ERI3: variants seen among roughly 807,000 people sequenced by gnomAD.
The protein encoded by ERI3 is ERI1 exoribonuclease family member 3.
ERI3 carries 18 observed loss-of-function variants against 44.4 expected under a neutral mutation model. That is an observed-to-expected ratio of 0.41 (90% confidence interval 0.28 to 0.60). The LOEUF (loss-of-function observed/expected upper bound fraction) is 0.60, where lower values mean the gene tolerates loss of function less well. Among genes scored for constraint, ERI3 ranks in the 20% least tolerant of loss-of-function variants. The pLI, the probability that ERI3 is intolerant of heterozygous loss-of-function variation, is 0.36. For missense variants in ERI3, 294 were observed against 435.5 expected, an observed-to-expected ratio of 0.68 and a Z score of 2.89; for synonymous variants, 183 against 164.8, an observed-to-expected ratio of 1.11 and a Z score of -0.84.
At chr1:44,355,272 T>C, upstream of ERI3, 1 of 1,138,856 alleles carries the variant, frequency 8.8e-7, no homozygotes, top group Non-Finnish European at 1.1e-6. Context: ...CCGCGCACTC[T>C]GACCCCGACC....
intron 6 of ERI3, among the ~76,000 whole-genome samples, chr1:44,304,093 G>C (rs1312746538): frequency 6.6e-6 from 1 of 152,100 alleles, no homozygotes; most frequent in Middle Eastern, 3.2e-3. Context: ...TGGAGGACAG[G>C]GTGTGAGGAG....
Position 44,221,719 on chromosome 1 carries a change from G to T in ERI3, c.932-79C>A. 2.5e-6 allele frequency: 3 copies of T among 1,181,152 alleles called. No homozygotes were observed. Among genetic ancestry groups the T allele is most frequent in the Non-Finnish European group, 2.5e-6 (2 of 793,376 alleles). 73.2% of individuals were successfully genotyped at this position (1,181,152 alleles called of 1,614,324 possible). ...CACAGGTGCTCTTACAAGGGTGGGG[G>T]TGGGAAGCAGGGTCAGATTCAGGAG... On this transcript the variant is annotated intron_variant, in intron 8 of 8. Coordinates refer to ENST00000372257, the MANE Select transcript of ERI3 (RefSeq NM_024066.3). This position sits in a 1 kb window ranked among gnomAD's most constrained non-coding sequence, Gnocchi z 5.9.
At chr1:44,273,540 G>A (rs1033306670) in intron 7 of ERI3, among the ~76,000 whole-genome samples, 2 of 152,224 alleles carry the variant, frequency 1.3e-5, no homozygotes, top group African/African-American at 4.8e-5. Flanking sequence ...TTAAATTAAT[G>A]CTTGTTGATG....
chr1:44,349,914 C>T (rs891041540), intron 2 of ERI3, among the ~76,000 whole-genome samples: 2 of 152,156 alleles, frequency 1.3e-5, no homozygotes, highest in African/African-American at 4.8e-5. Flanking sequence ...AGGGAAAGTG[C>T]AGACATGGGA....
intron 8 of ERI3, among the ~76,000 whole-genome samples, chr1:44,240,389 C>A (rs1161769220): frequency 6.6e-6 from 1 of 152,192 alleles, no homozygotes; most frequent in Non-Finnish European, 1.5e-5. Flanking sequence ...ACTTCTCTGC[C>A]TACGGTACAA....
chr1:44,310,964 CACACACA>C (rs1645955732), intron 5 of ERI3, among the ~76,000 whole-genome samples: 1 of 13,640 alleles, frequency 7.3e-5, no homozygotes, highest in Non-Finnish European at 1.6e-4. Context: ...CGCGCGCGCG[CACACACA>C]CACACACACA....
At chr1:44,269,616 A>T (rs1427883754) in intron 7 of ERI3, among the ~76,000 whole-genome samples, 3 of 152,228 alleles carry the variant, frequency 2.0e-5, no homozygotes, top group African/African-American at 7.2e-5. Context: ...CACTCTCAAG[A>T]GACCTGGAGT....
At chr1:44,231,953 A>G (rs1031391850) in intron 8 of ERI3, among the ~76,000 whole-genome samples, 2 of 152,230 alleles carry the variant, frequency 1.3e-5, no homozygotes, top group Non-Finnish European at 2.9e-5. Context: ...GGACTGCAGA[A>G]GCCATCTTCC....
At chr1:44,323,018 C>T (rs767026957) in intron 3 of ERI3, 5 of 1,129,474 alleles carry the variant, frequency 4.4e-6, no homozygotes, top group Non-Finnish European at 5.8e-6. Context: ...TATTCCTGAC[C>T]CTGACCTTTT....
chr1:44,275,237 T>C (rs1368622417), intron 7 of ERI3, among the ~76,000 whole-genome samples: 2 of 152,128 alleles, frequency 1.3e-5, no homozygotes, highest in Non-Finnish European at 2.9e-5. Flanking sequence ...GCAGCCACCC[T>C]TCTATAGAGT....
chr1:44,310,958 C>CGT (rs1189517498), intron 5 of ERI3, among the ~76,000 whole-genome samples: 17 of 79,436 alleles, frequency 2.1e-4, no homozygotes, highest in Admixed American at 3.2e-4. Flanking sequence ...ACATCGCGCG[C>CGT]GCGCGCACAC....
At chr1:44,222,332 T>TAG (rs1182894313) in intron 8 of ERI3, among the ~76,000 whole-genome samples, 1 of 152,228 alleles carries the variant, frequency 6.6e-6, no homozygotes, top group Non-Finnish European at 1.5e-5. Flanking sequence ...GCCTTGGCCA[T>TAG]CAGCCGTCTA....
chr1:44,349,549 C>G (rs1399429905), intron 2 of ERI3, among the ~76,000 whole-genome samples: 2 of 152,218 alleles, frequency 1.3e-5, no homozygotes, highest in Admixed American at 6.5e-5. Context: ...TTCCTCCTGT[C>G]TGCTGGCTGC....
chr1:44,248,004 T>C lies in ERI3; in HGVS notation c.866A>G (p.Asn289Ser). Residue 289 changes from asparagine to serine, a missense_variant, in exon 8 of 9, where the codon AAT becomes AGT. Physicochemically the swap from Asn to Ser is conservative, Grantham distance 46 (BLOSUM62 1). This residue lies in a region of ERI3 where 187 missense variants were observed against 338.6 expected (regional missense o/e 0.55). Transcript: ENST00000372257. ...YSFAMGCWPK[N>S]GLLDMNKGLS... ...GCCCTTGTTCATGTCTAGAAGTCCATTCTTGGGCCAGCAGCCCATGGCGAA... is the reference window on the plus strand; with the variant it reads ...GCCCTTGTTCATGTCTAGAAGTCCACTCTTGGGCCAGCAGCCCATGGCGAA... 6.2e-7 allele frequency: 1 copy of C among 1,612,326 alleles called. No individual in the cohort carries two copies. Among genetic ancestry groups the C allele is most frequent in the Non-Finnish European group, 8.5e-7 (1 of 1,179,302 alleles).
intron 5 of ERI3, among the ~76,000 whole-genome samples, chr1:44,311,542 T>C (rs928709037): frequency 6.6e-6 from 1 of 152,130 alleles, no homozygotes; most frequent in Non-Finnish European, 1.5e-5. Context: ...GAAAGTAGCT[T>C]CTTGGGTGAG....
intron 6 of ERI3, among the ~76,000 whole-genome samples, chr1:44,304,771 T>C (rs1645798645): frequency 6.6e-6 from 1 of 152,180 alleles, no homozygotes; most frequent in Non-Finnish European, 1.5e-5. Context: ...TGGGCAAGTA[T>C]CTTTCCATCT....
chr1:44,287,412 T>C (rs1645416020), intron 6 of ERI3, among the ~76,000 whole-genome samples: 1 of 152,208 alleles, frequency 6.6e-6, no homozygotes, highest in Non-Finnish European at 1.5e-5. Context: ...ATTTGACAGA[T>C]AGTAACAGAA....
chr1:44,300,143 A>C (rs968184378), intron 6 of ERI3, among the ~76,000 whole-genome samples: 1 of 152,178 alleles, frequency 6.6e-6, no homozygotes, highest in Non-Finnish European at 1.5e-5. Flanking sequence ...CCAGTTAAGC[A>C]GTAAAGAACC....
chr1:44,339,372 A>C, intron 2 of ERI3, 50 bp from the exon 3 acceptor site: 1 of 1,473,796 alleles, frequency 6.8e-7, no homozygotes, highest in Non-Finnish European at 9.0e-7. Context: ...AAGAAAGAAA[A>C]AAAAAAAAAG....
Sources: gnomAD v4.1 joint callset for allele counts (sites outside exome capture counted in the v4.1 genomes callset) on GRCh38, gnomAD v4.1.1 for gene constraint, gnomAD v4.1.1 regional missense constraint, Gnocchi (gnomAD v3.1) non-coding constraint, MANE v1.5 for transcripts, NCBI Gene and HGNC (gene_info 2026-07-23, HGNC 2026-07-21) for gene names.